AOPEP: variants seen among roughly 807,000 people sequenced by gnomAD.
AOPEP encodes aminopeptidase O.
In AOPEP, 77 loss-of-function variants were observed where a neutral mutation model predicts 98.1. That is an observed-to-expected ratio of 0.78 (90% confidence interval 0.65 to 0.95). The LOEUF is 0.95. Among genes scored for constraint, AOPEP ranks in the 40% least tolerant of loss-of-function variants. The pLI, the probability that AOPEP is intolerant of heterozygous loss-of-function variation, is 0.00. For missense variants in AOPEP, 1,024 were observed against 1,024.7 expected (o/e 1.00, Z 0.01); for synonymous variants, 346 against 365.3 (o/e 0.95, Z 0.60).
chr9:95,116,112 T>C, the AOPEP span, among the ~76,000 whole-genome samples: 2 of 152,238 alleles, frequency 1.3e-5, no homozygotes, highest in East Asian at 3.8e-4. Context: ...AGGTAAAGGG[T>C]TGGGCCCATG....
At chr9:94,913,927 C>G (rs76656199) in intron 5 of AOPEP, among the ~76,000 whole-genome samples, 4,107 of 152,242 alleles carry the variant, frequency 0.027, 188 homozygotes, top group African/African-American at 0.093. Flanking sequence ...TTAATTTCAC[C>G]CTTAGTAATA....
intron 11 of AOPEP, among the ~76,000 whole-genome samples, chr9:94,988,285 A>G (rs1428672170): frequency 6.6e-6 from 1 of 152,084 alleles, no homozygotes; most frequent in East Asian, 1.9e-4. Flanking sequence ...CCCAAATCCT[A>G]CTCACGACGG....
At chr9:95,114,434 A>G in the AOPEP span, 2 of 677,048 alleles carry the variant, frequency 3.0e-6, no homozygotes, top group Admixed American at 4.1e-5. Context: ...GCGCATGCCT[A>G]TTCATCCTGA....
intron 4 of AOPEP, among the ~76,000 whole-genome samples, chr9:94,796,993 A>G (rs1847092854): frequency 6.6e-6 from 1 of 152,244 alleles, no homozygotes; most frequent in African/African-American, 2.4e-5. Flanking sequence ...CAAAGAAGAA[A>G]ACACATTGAG....
chr9:95,104,288 G>A, the AOPEP span, among the ~76,000 whole-genome samples: 1 of 152,242 alleles, frequency 6.6e-6, no homozygotes. Flanking sequence ...CCCAGGAGGT[G>A]CTTTCACCAC....
At chr9:95,077,814 A>C (rs118091667) in intron 14 of AOPEP, among the ~76,000 whole-genome samples, 1 of 152,154 alleles carries the variant, frequency 6.6e-6, no homozygotes, top group South Asian at 2.1e-4. Flanking sequence ...GTGGTGACGA[A>C]TGGCATGCGA....
At chr9:94,759,476 A>G (rs2132446386) in intron 1 of AOPEP, among the ~76,000 whole-genome samples, 173 bp from the exon 2 acceptor site, 1 of 152,368 alleles carries the variant, frequency 6.6e-6, no homozygotes, top group East Asian at 1.9e-4. Context: ...TTAGAAACCC[A>G]TAATGCAGCT....
intron 13 of AOPEP, among the ~76,000 whole-genome samples, chr9:95,038,018 A>T (rs1267128226): frequency 6.6e-6 from 1 of 152,126 alleles, no homozygotes; most frequent in Non-Finnish European, 1.5e-5. Context: ...GAAACCTTCC[A>T]TCCAGCTGTC....
chr9:95,092,082 GCACACA>G, downstream of AOPEP, among the ~76,000 whole-genome samples: 1 of 138,446 alleles, frequency 7.2e-6, no homozygotes, highest in South Asian at 2.3e-4. Flanking sequence ...GTGTGTGTGT[GCACACA>G]CACACACACT....
chr9:94,996,795 T>A (rs2061274012), intron 11 of AOPEP, among the ~76,000 whole-genome samples: 1 of 152,246 alleles, frequency 6.6e-6, no homozygotes, highest in South Asian at 2.1e-4. Flanking sequence ...TATGTGTGTG[T>A]GTTTTCTAAA....
rs888180799 is a variant in AOPEP at position 94,741,729 on chromosome 9, T to C, written c.-136+14978T>C. Among the ~76,000 whole-genome samples, 50 of 152,108 alleles carry C rather than the reference T, an allele frequency of 3.3e-4. 1 individual carries two copies. Among genetic ancestry groups the C allele is most frequent in the African/African-American group, 1.2e-3 (48 of 41,416 alleles). On this transcript the variant is annotated intron_variant, in intron 1 of 16. Transcript: ENST00000375315. Reference sequence around the variant, plus strand: ...AGTAATTAAAAACAACTCCAAAATCTTTGCGGCCCCCCAAAAAAGAAGGTA... The same window carrying C: ...AGTAATTAAAAACAACTCCAAAATCCTTGCGGCCCCCCAAAAAAGAAGGTA...
intron 5 of AOPEP, among the ~76,000 whole-genome samples, chr9:94,912,271 G>A (rs1391292124): frequency 2.6e-5 from 4 of 152,096 alleles, no homozygotes; most frequent in Admixed American, 1.3e-4. Context: ...TTTGTTAGGT[G>A]TTTGGTCATT....
intron 13 of AOPEP, among the ~76,000 whole-genome samples, chr9:95,013,772 A>G (rs751347788): frequency 1.3e-5 from 2 of 152,176 alleles, no homozygotes; most frequent in Non-Finnish European, 2.9e-5. Context: ...TCCTTGGTTC[A>G]TATTTTTTAA....
intron 7 of AOPEP, among the ~76,000 whole-genome samples, chr9:94,945,412 A>G (rs2057508430): frequency 6.6e-6 from 1 of 152,178 alleles, no homozygotes; most frequent in South Asian, 2.1e-4. Context: ...TTCATAAACA[A>G]TGCTATGGTG....
Position 95,005,205 on chromosome 9 carries a change from G to A in AOPEP, c.2025G>A (p.Arg675=), listed in dbSNP as rs546755654. The change falls in exon 12 of 17, where the codon CGG becomes CGA. Residue 675 remains arginine, a synonymous_variant. Coordinates refer to ENST00000375315, the MANE Select transcript of AOPEP (RefSeq NM_001193329.3). ...RRAGAECGLA[R]QVRAEVTKWI... is the part of the protein sequence containing the mutation. ...CCGGGGCGGAGTGCGGGCTTGCGCG[G>A]CAAGTGCGCGCCGAGGTGAGTGCGG... 3 of 1,127,834 alleles carry A rather than the reference G, an allele frequency of 2.7e-6. No individual in the cohort carries two copies. The highest frequency in any genetic ancestry group is 4.1e-5 in the Admixed American group (1 of 24,182). 69.9% of individuals were successfully genotyped at this position (1,127,834 alleles called of 1,614,324 possible). A position where few individuals can be genotyped will look rare whatever the true frequency, so the allele number is the denominator to read the frequency against.
chr9:95,111,593 A>G, the AOPEP span: 1 of 1,614,134 alleles, frequency 6.2e-7, no homozygotes, highest in Non-Finnish European at 8.5e-7. Flanking sequence ...CCATCCTCCG[A>G]AGTGAATGAA....
At chr9:95,111,209 G>A in the AOPEP span, 1 of 1,536,316 alleles carries the variant, frequency 6.5e-7, no homozygotes, top group South Asian at 1.2e-5. Context: ...AATGACCTTG[G>A]GGAAGAAGGG....
intron 5 of AOPEP, among the ~76,000 whole-genome samples, chr9:94,917,452 T>C (rs1260553153): frequency 2.0e-5 from 3 of 152,180 alleles, no homozygotes; most frequent in African/African-American, 7.2e-5. Context: ...CTCCCCAGTG[T>C]CGTCTGTGCT....
At chr9:94,995,350 T>G (rs776238655) in intron 11 of AOPEP, among the ~76,000 whole-genome samples, 6 of 152,228 alleles carry the variant, frequency 3.9e-5, no homozygotes, top group Non-Finnish European at 8.8e-5. Flanking sequence ...TTTTACCATG[T>G]GCACCATCTC....
Sources: allele counts gnomAD v4.1 joint callset (sites outside exome capture counted in the v4.1 genomes callset), GRCh38; gene constraint gnomAD v4.1.1; transcripts MANE v1.5; gene names NCBI Gene and HGNC (gene_info 2026-07-23, HGNC 2026-07-21).